The following DENND2B variants were observed in gnomAD, a reference collection of about 807,000 sequenced individuals.
The protein encoded by DENND2B is DENN domain containing 2B.
DENND2B carries 32 observed loss-of-function variants against 116.0 expected under a neutral mutation model. That is an observed-to-expected ratio of 0.28 (90% CI 0.21 to 0.37). The LOEUF is 0.37. Ranked by LOEUF, DENND2B falls within the 10% of genes least tolerant of loss-of-function variation. The pLI is 1.00. For synonymous variants in DENND2B, 588 were observed against 583.9 expected (o/e 1.01, Z -0.10); for missense variants, 1,276 against 1,477.7 (o/e 0.86, Z 2.24).
intron 2 of DENND2B, among the ~76,000 whole-genome samples, chr11:8,863,888 A>C (rs2063491091): frequency 6.6e-6 from 1 of 152,096 alleles, no homozygotes; most frequent in Non-Finnish European, 1.5e-5. Flanking sequence ...GACCCAGTAG[A>C]AGAAGCCTTT....
intron 19 of DENND2B, among the ~76,000 whole-genome samples, chr11:8,694,965 G>A (rs1042998499): frequency 2.6e-5 from 4 of 152,326 alleles, no homozygotes; most frequent in Non-Finnish European, 4.4e-5. Flanking sequence ...AGGAGGTGGA[G>A]GAGGGAGGAT....
At position 8,718,440 on chromosome 11, in the gene DENND2B, T is replaced by C. The variant is rs565774173; in HGVS notation, c.1478-548A>G. 1.2e-3 allele frequency: 1,840 copies of C among 1,520,234 alleles called. 2 individuals carry two copies. Among genetic ancestry groups the C allele is most frequent in the Non-Finnish European group, 1.5e-3 (1,749 of 1,137,048 alleles). The allele number at this position is 1,520,234 out of a possible 1,614,324, so 94.2% of individuals were successfully genotyped here. On this transcript the variant is annotated intron_variant, in intron 4 of 19. Transcript: ENST00000313726. ...GCCCCCTTCTCACCTACGATGCCGT[T>C]CAACAAGTCTTTTAGGGCAGGGTTT...
At chr11:8,814,481 A>AT (rs1180305819), upstream of DENND2B, among the ~76,000 whole-genome samples, 1 of 151,604 alleles carries the variant, frequency 6.6e-6, no homozygotes, top group Non-Finnish European at 1.5e-5. Context: ...GAGGTGTCAT[A>AT]TTTTTTCCAG....
chr11:8,729,305 C>T (rs1406670548), intron 3 of DENND2B, among the ~76,000 whole-genome samples: 1 of 152,174 alleles, frequency 6.6e-6, no homozygotes, highest in Non-Finnish European at 1.5e-5. Context: ...GGGGAGACAG[C>T]CCTTGGTAAT....
In DENND2B at chr11:8,707,885, G is replaced by A. The variant is rs376706438; in HGVS notation, c.2353-31C>T. 86 of 1,590,204 alleles carry A rather than the reference G, an allele frequency of 5.4e-5. No individual in the cohort carries two copies. The highest frequency in any genetic ancestry group is 6.6e-5 in the Non-Finnish European group (77 of 1,168,650). Reference sequence around the variant, plus strand: ...CCAGGACAAGGAGGAGGAGGAGAGAGACAGACACAGAGAATGCATGATTAC... The same window carrying A: ...CCAGGACAAGGAGGAGGAGGAGAGAAACAGACACAGAGAATGCATGATTAC... On this transcript the variant is annotated intron_variant, in intron 11 of 19. Transcript: ENST00000313726. This position sits in a 1 kb window ranked among gnomAD's most constrained non-coding sequence, Gnocchi z 4.8.
chr11:8,842,357 C>G (rs2062654003), intron 3 of DENND2B, among the ~76,000 whole-genome samples: 2 of 152,190 alleles, frequency 1.3e-5, no homozygotes, highest in Non-Finnish European at 2.9e-5. Flanking sequence ...TTTCCAGCCT[C>G]TCTTAGGAAA....
At chr11:8,862,465 G>A (rs1159598632) in intron 2 of DENND2B, among the ~76,000 whole-genome samples, 1 of 151,742 alleles carries the variant, frequency 6.6e-6, no homozygotes. Flanking sequence ...CTCCTGAGTA[G>A]CTAGGACCAC....
intron 19 of DENND2B, among the ~76,000 whole-genome samples, chr11:8,695,042 A>G (rs1231903319): frequency 6.6e-6 from 1 of 152,220 alleles, no homozygotes; most frequent in African/African-American, 2.4e-5. Context: ...AGCCTGAGTG[A>G]CAGAGCCAGA....
chr11:8,832,307 C>T (rs1049264617), intron 4 of DENND2B, among the ~76,000 whole-genome samples: 13 of 152,146 alleles, frequency 8.5e-5, no homozygotes, highest in Admixed American at 6.5e-5. Context: ...CAAAAATTAG[C>T]TGGGCATGGT....
chr11:8,806,161 C>G (rs1035225532), intron 1 of DENND2B, among the ~76,000 whole-genome samples: 2 of 152,210 alleles, frequency 1.3e-5, no homozygotes, highest in African/African-American at 4.8e-5. Flanking sequence ...TTCCAGTAGT[C>G]TTCCTCCTGC....
intron 1 of DENND2B, chr11:8,895,501 T>C (rs2064090213): frequency 6.6e-6 from 1 of 152,034 alleles, no homozygotes; most frequent in African/African-American, 2.4e-5. Flanking sequence ...AGAAGAAAAA[T>C]ACTGTATGAG....
At chr11:8,855,061 C>T (rs538276592) in intron 3 of DENND2B, among the ~76,000 whole-genome samples, 1 of 151,898 alleles carries the variant, frequency 6.6e-6, no homozygotes, top group East Asian at 1.9e-4. Context: ...GAAAAGATCA[C>T]TTGAGCCCAG....
intron 1 of DENND2B, among the ~76,000 whole-genome samples, chr11:8,791,255 T>C (rs1254024977): frequency 6.6e-6 from 1 of 152,160 alleles, no homozygotes; most frequent in African/African-American, 2.4e-5. Flanking sequence ...AAGATCTAGG[T>C]CCAGCATGTC....
chr11:8,795,659 A>G (rs6484484), intron 1 of DENND2B, among the ~76,000 whole-genome samples: 63,107 of 151,986 alleles, frequency 0.42, 13,754 homozygotes, highest in Non-Finnish European at 0.47. Context: ...TAAAATAGGC[A>G]AGTTTCCTCC....
At chr11:8,772,738 G>A (rs537562032) in intron 1 of DENND2B, among the ~76,000 whole-genome samples, 24 of 152,200 alleles carry the variant, frequency 1.6e-4, no homozygotes, top group East Asian at 1.5e-3. Flanking sequence ...CGGCTCCAGC[G>A]TTCCAGCAAC....
chr11:8,715,148 T>C (rs10840114), intron 6 of DENND2B, among the ~76,000 whole-genome samples: 53,169 of 152,134 alleles, frequency 0.35, 11,425 homozygotes, highest in Non-Finnish European at 0.47. Flanking sequence ...CAAGCATTGT[T>C]TGCAGGTTAA....
intron 2 of DENND2B, 66 bp from the exon 3 acceptor site, chr11:8,731,275 C>T: frequency 7.2e-7 from 1 of 1,387,542 alleles, no homozygotes; most frequent in Non-Finnish European, 9.6e-7. Flanking sequence ...CAACCAGTGG[C>T]ATCCTGTTTT....
intron 4 of DENND2B, among the ~76,000 whole-genome samples, chr11:8,835,157 T>C (rs1013290749): frequency 3.9e-5 from 6 of 152,032 alleles, no homozygotes; most frequent in Non-Finnish European, 5.9e-5. Flanking sequence ...AGTGGGAGAA[T>C]TGCTTGAGCC....
intron 1 of DENND2B, among the ~76,000 whole-genome samples, chr11:8,892,732 C>T (rs899628605): frequency 6.6e-6 from 1 of 152,074 alleles, no homozygotes; most frequent in Non-Finnish European, 1.5e-5. Flanking sequence ...CAATAACAGG[C>T]TCTGAAATTG....
Sources: gnomAD v4.1 joint callset for allele counts (sites outside exome capture counted in the v4.1 genomes callset) on GRCh38, gnomAD v4.1.1 for gene constraint, Gnocchi (gnomAD v3.1) non-coding constraint, MANE v1.5 for transcripts, NCBI Gene and HGNC (gene_info 2026-07-23, HGNC 2026-07-21) for gene names.